Variants in MELTF observed in about 807,000 individuals in gnomAD.
MELTF encodes melanotransferrin.
MELTF carries 67 observed loss-of-function variants against 83.7 expected under a neutral mutation model. That is an observed-to-expected ratio of 0.80 (90% confidence interval 0.66 to 0.98). MELTF has a LOEUF of 0.98. Among genes scored for constraint, MELTF ranks in the 50% least tolerant of loss-of-function variants. MELTF has a pLI of 0.00. For synonymous variants in MELTF, 462 were observed against 447.6 expected, an observed-to-expected ratio of 1.03 and a Z score of -0.41; for missense variants, 1,002 against 1,035.6, an observed-to-expected ratio of 0.97 and a Z score of 0.44.
chr3:197,026,559 G>T, intron 3 of MELTF, 101 bp downstream of exon 3: 1 of 1,031,870 alleles, frequency 9.7e-7, no homozygotes, highest in South Asian at 1.3e-5. Flanking sequence ...CTGCTCTGTG[G>T]ACAGGGCTGA....
rs1257131431 is a variant in MELTF at position 197,006,418 on chromosome 3, G to C, written c.1938+131C>G. On this transcript the variant is annotated intron_variant, in intron 14 of 15. Transcript: ENST00000296350. This position sits in a 1 kb window ranked among gnomAD's most constrained non-coding sequence, Gnocchi z 5.4. ...TCTGGAGGGATGTCCTTGCGTAAGT[G>C]AAAATCACAGAATTTCCCCCGGGCT... 1 of 784,614 alleles carries C rather than the reference G, an allele frequency of 1.3e-6. No individual in the cohort carries two copies. The highest frequency in any genetic ancestry group is 1.9e-6 in the Non-Finnish European group (1 of 519,642). The allele number at this position is 784,614 out of a possible 1,614,324, so 48.6% of individuals were successfully genotyped here.
intron 9 of MELTF, among the ~76,000 whole-genome samples, chr3:197,012,724 C>T (rs1350681774): frequency 6.6e-6 from 1 of 152,246 alleles, no homozygotes; most frequent in Non-Finnish European, 1.5e-5. Flanking sequence ...CTGCATCTGG[C>T]GTTAGTCTCC....
intron 6 of MELTF, chr3:197,019,874 G>A (rs755902972): frequency 3.6e-5 from 53 of 1,478,438 alleles, no homozygotes; most frequent in South Asian, 2.0e-4. Context: ...ATCATCAGAC[G>A]TCCTGGGAGA....
Position 197,029,535 on chromosome 3 carries a change from C to T in MELTF, c.49+119G>A. ...CACTCGACCCCGAGCCCCTGCCTCC[C>T]CCGTCTCACTGCCCCGGAGCCGCAG... On this transcript the variant is annotated intron_variant, in intron 1 of 15. Coordinates refer to ENST00000296350, the MANE Select transcript of MELTF (RefSeq NM_005929.6). This position sits in a 1 kb window ranked among gnomAD's most constrained non-coding sequence, Gnocchi z 6.5. The T allele has an allele frequency of 1.3e-6, 1 of 789,692 alleles. No homozygotes were observed. The highest frequency in any genetic ancestry group is 1.7e-6 in the Non-Finnish European group (1 of 584,776). The allele number at this position is 789,692 out of a possible 1,614,324, so 48.9% of individuals were successfully genotyped here.
intron 6 of MELTF, chr3:197,018,924 A>G: frequency 5.1e-6 from 5 of 984,860 alleles, no homozygotes; most frequent in Non-Finnish European, 6.0e-6. Context: ...GAAGACGAAT[A>G]TTAAGGACTA....
rs906899797 is a variant in MELTF at position 197,002,024 on chromosome 3, G to C, written c.*1348C>G. The stretch of plus-strand genomic sequence containing the variant: ...GAATCACTAGCCCCCCACAGCGAGA[G>C]GGGACAAAGCTTGGTGGCCGAGGCC... On this transcript the variant is annotated 3_prime_UTR_variant, in exon 16 of 16. Coordinates refer to ENST00000296350, the MANE Select transcript of MELTF (RefSeq NM_005929.6). 1 of 152,298 alleles carries C rather than the reference G, an allele frequency of 6.6e-6. No individual in the cohort carries two copies. Among genetic ancestry groups the C allele is most frequent in the African/African-American group, 2.4e-5 (1 of 41,476 alleles). 9.4% of individuals were successfully genotyped at this position (152,298 alleles called of 1,614,324 possible).
At position 197,029,805 on chromosome 3, in the gene MELTF, G is replaced by A. The variant is rs1241228334; in HGVS notation, c.-103C>T. On this transcript the variant is annotated 5_prime_UTR_variant, in exon 1 of 16. Transcript: ENST00000296350. This position sits in a 1 kb window ranked among gnomAD's most constrained non-coding sequence, Gnocchi z 6.5. ...CCTGCTCCCCCTCGCGCTGGCCCGA[G>A]CTCCTTAAGTGCGGCCGCGAGTTCC... 9 of 837,196 alleles carry A rather than the reference G, an allele frequency of 1.1e-5. No individual in the cohort carries two copies. Among genetic ancestry groups the A allele is most frequent in the Non-Finnish European group, 1.3e-5 (8 of 629,116 alleles). 51.9% of individuals were successfully genotyped at this position (837,196 alleles called of 1,614,324 possible).
At chr3:197,017,042 G>A (rs773279338) in intron 7 of MELTF, 61 bp downstream of exon 7, 10 of 1,558,838 alleles carry the variant, frequency 6.4e-6, no homozygotes, top group East Asian at 2.3e-5. Flanking sequence ...CCTGCTGAGC[G>A]ACCACAAGGC....
Position 197,006,896 on chromosome 3 carries a change from A to G in MELTF, c.1751-160T>C, listed in dbSNP as rs1207242195. Among the ~76,000 whole-genome samples, 1 of 152,154 alleles carries G rather than the reference A, an allele frequency of 6.6e-6. No individual in the cohort carries two copies. The highest frequency in any genetic ancestry group is 1.5e-5 in the Non-Finnish European group (1 of 68,030). On this transcript the variant is annotated intron_variant, in intron 13 of 15. Coordinates refer to ENST00000296350, the MANE Select transcript of MELTF (RefSeq NM_005929.6). This position sits in a 1 kb window ranked among gnomAD's most constrained non-coding sequence, Gnocchi z 5.4. The stretch of plus-strand genomic sequence containing the variant: ...CATTCTCCACGTGCTCTGCTGTGTT[A>G]CCGGGGTGAAAGAACCCAGCTGTGT...
chr3:197,012,513 G>A (rs1719226137), intron 9 of MELTF, among the ~76,000 whole-genome samples: 1 of 152,282 alleles, frequency 6.6e-6, no homozygotes, highest in Admixed American at 6.5e-5. Flanking sequence ...TCCAGTCGAT[G>A]TGGTTCCCTG....
chr3:197,004,026 A>G lies in MELTF; in HGVS notation c.2012T>C (p.Leu671Pro). 1 of 1,614,176 alleles carries G rather than the reference A, an allele frequency of 6.2e-7. No individual in the cohort carries two copies. Among genetic ancestry groups the G allele is most frequent in the Non-Finnish European group, 8.5e-7 (1 of 1,180,014 alleles). ...CCGGACGGTGGCATCCTTGAAAAGC[A>G]GGTCTTGGCCATGATAGTTGGAGGA... Reference protein sequence around the residue: ...FDSSNYHGQDLLFKDATVRAV... With the variant: ...FDSSNYHGQDPLFKDATVRAV... The change falls in exon 15 of 16, where the codon CTG becomes CCG. Residue 671 changes from leucine to proline, a missense_variant. Leu to Pro is a moderately conservative substitution (Grantham distance 98). Transcript: ENST00000296350.
intron 6 of MELTF, among the ~76,000 whole-genome samples, chr3:197,017,678 C>T (rs749179869): frequency 3.3e-5 from 5 of 151,974 alleles, no homozygotes; most frequent in African/African-American, 9.7e-5. Flanking sequence ...GAGATCAAGA[C>T]CATCCTGGCT....
intron 6 of MELTF, among the ~76,000 whole-genome samples, chr3:197,020,526 T>C (rs888378601): frequency 2.6e-5 from 4 of 151,726 alleles, no homozygotes; most frequent in African/African-American, 9.7e-5. Flanking sequence ...TGTGGGAAAA[T>C]GCTAAACAGT....
intron 1 of MELTF, 137 bp from the exon 2 acceptor site, chr3:197,028,047 A>T (rs1719938245): frequency 5.1e-6 from 5 of 977,602 alleles, no homozygotes; most frequent in South Asian, 1.6e-5. Flanking sequence ...GCCCTCCCAC[A>T]GGGAGGCACT....
At chr3:197,027,728 C>T (rs769812044) in intron 2 of MELTF, 28 bp downstream of exon 2, 1 of 1,588,240 alleles carries the variant, frequency 6.3e-7, no homozygotes, top group South Asian at 1.1e-5. Flanking sequence ...GCCCTCTTGT[C>T]TGGCAGGGTG....
intron 6 of MELTF, chr3:197,019,414 A>C: frequency 7.5e-7 from 1 of 1,341,046 alleles, no homozygotes; most frequent in Non-Finnish European, 9.6e-7. Context: ...GTCACTTAAA[A>C]AATGACTCCC....
intron 1 of MELTF, chr3:197,028,760 C>T (rs954055557): frequency 6.6e-6 from 1 of 152,504 alleles, no homozygotes; most frequent in Non-Finnish European, 1.5e-5. Context: ...TGCCATTCAC[C>T]CTGCCCCAGC....
At position 197,002,383 on chromosome 3, in the gene MELTF, G is replaced by A. The variant is rs1718769964; in HGVS notation, c.*989C>T. 1 of 152,322 alleles carries A rather than the reference G, an allele frequency of 6.6e-6. No homozygotes were observed. The highest frequency in any genetic ancestry group is 1.5e-5 in the Non-Finnish European group (1 of 68,088). 9.4% of individuals were successfully genotyped at this position (152,322 alleles called of 1,614,324 possible). On this transcript the variant is annotated 3_prime_UTR_variant, in exon 16 of 16. Transcript: ENST00000296350. ...CTGGCTTCTCAGACAACTGTGGCAAGATGGAGTAGAGAGAGGCCCCGGCCG... is the reference window on the plus strand; with the variant it reads ...CTGGCTTCTCAGACAACTGTGGCAAAATGGAGTAGAGAGAGGCCCCGGCCG...
chr3:197,017,383 G>T, intron 6 of MELTF, 93 bp from the exon 7 acceptor site: 2 of 1,204,652 alleles, frequency 1.7e-6, no homozygotes, highest in African/African-American at 1.5e-5. Context: ...AGGGGTGGCT[G>T]GGTGTCATGG....
Sources: allele counts gnomAD v4.1 joint callset (sites outside exome capture counted in the v4.1 genomes callset), GRCh38; gene constraint gnomAD v4.1.1; non-coding constraint Gnocchi (gnomAD v3.1); transcripts MANE v1.5; gene names NCBI Gene and HGNC (gene_info 2026-07-23, HGNC 2026-07-21).